The following NCAPH2 variants were observed in gnomAD, a reference collection of about 807,000 sequenced individuals.
NCAPH2 encodes the protein condensin-2 complex subunit H2.
Under a neutral mutation model 88.6 loss-of-function variants are expected in NCAPH2, and 56 were observed. That is an observed-to-expected ratio of 0.63 (90% CI 0.51 to 0.79). The LOEUF (loss-of-function observed/expected upper bound fraction) is 0.79, where lower values mean the gene tolerates loss of function less well. Among genes scored for constraint, NCAPH2 ranks in the 30% least tolerant of loss-of-function variants. The pLI, the probability that NCAPH2 is intolerant of heterozygous loss-of-function variation, is 0.00. For synonymous variants in NCAPH2, 378 were observed against 313.6 expected (o/e 1.21, Z -2.17); for missense variants, 794 against 792.0 (o/e 1.00, Z -0.03).
In NCAPH2 at chr22:50,523,902, C is replaced by G; in HGVS notation, c.*527C>G. Reference sequence around the variant, plus strand: ...GGGCCATGGCTTCAACGTCGTCCCGCTCGGGGTCCACAGTGATGAAGACAG... The same window carrying G: ...GGGCCATGGCTTCAACGTCGTCCCGGTCGGGGTCCACAGTGATGAAGACAG... On this transcript the variant is annotated 3_prime_UTR_variant, in exon 20 of 20. Transcript: ENST00000420993. 6.2e-7 allele frequency: 1 copy of G among 1,613,804 alleles called. No individual in the cohort carries two copies. Among genetic ancestry groups the G allele is most frequent in the Non-Finnish European group, 8.5e-7 (1 of 1,179,978 alleles).
intron 11 of NCAPH2, 30 bp downstream of exon 11, chr22:50,521,639 G>A: frequency 6.2e-7 from 1 of 1,611,302 alleles, no homozygotes; most frequent in Non-Finnish European, 8.5e-7. Context: ...CTCCACTCAG[G>A]TACCCCTGGC....
rs2069013707 is a variant in NCAPH2 at position 50,519,216 on chromosome 22, C to A, written c.757C>A (p.Leu253Met). ...CCCCTCTCCAGAAGGCCCGATGCCC[C>A]TGGGTGGGGGCGAGGACGAGGATGC... ...PGPSPEGPMP[L>M]GGGEDEDAEE... Residue 253 changes from leucine to methionine, a missense_variant, in exon 9 of 20, where the codon CTG (leucine) becomes ATG (methionine). By Grantham distance (15) the Leu-to-Met change is conservative. This residue lies in a region of NCAPH2 where 735 missense variants were observed against 696.3 expected (regional missense o/e 1.06). Coordinates refer to ENST00000420993, the MANE Select transcript of NCAPH2 (RefSeq NM_152299.4). 3 of 1,610,900 alleles carry A rather than the reference C, an allele frequency of 1.9e-6. No individual in the cohort carries two copies. Among genetic ancestry groups the A allele is most frequent in the Non-Finnish European group, 2.5e-6 (3 of 1,179,174 alleles).
chr22:50,522,147 GACGAGGGAGCCCTC>G lies in NCAPH2; in HGVS notation c.1163-31_1163-18del. On this transcript the variant is annotated intron_variant, in intron 13 of 19. Coordinates refer to ENST00000420993, the MANE Select transcript of NCAPH2 (RefSeq NM_152299.4). The stretch of plus-strand genomic sequence containing the variant: ...GTGGACTGGCACGGGGCCTGGGAAG[GACGAGGGAGCCCTC>G]ACAAGGCCTTTGTCTGCAGACATGG... The G allele has an allele frequency of 1.2e-6, 2 of 1,611,814 alleles. No individual in the cohort carries two copies. The highest frequency in any genetic ancestry group is 1.7e-6 in the Non-Finnish European group (2 of 1,178,628).
In NCAPH2 at chr22:50,519,193, C is replaced by A; in HGVS notation, c.734C>A (p.Pro245His). 1 of 1,608,140 alleles carries A rather than the reference C, an allele frequency of 6.2e-7. No homozygotes were observed. Among genetic ancestry groups the A allele is most frequent in the Non-Finnish European group, 8.5e-7 (1 of 1,178,094 alleles). Residue 245 changes from proline (P) to histidine (H), a missense_variant, in exon 9 of 20, where the codon CCC (proline) becomes CAC (histidine). Physicochemically the swap from Pro to His is moderately conservative, Grantham distance 77. Transcript: ENST00000420993. ...CACTCTCTTGCTCCCTGCCTAGGCC[C>A]CTCTCCAGAAGGCCCGATGCCCCTG... ...PALGFSQEPG[P>H]SPEGPMPLGG...
At chr22:50,510,191 G>A (rs1346094819) in intron 1 of NCAPH2, among the ~76,000 whole-genome samples, 2 of 152,132 alleles carry the variant, frequency 1.3e-5, no homozygotes, top group African/African-American at 4.8e-5. Context: ...AAAGTGCTGG[G>A]ATTACAGGCG....
At chr22:50,517,077 C>T (rs999216441) in intron 2 of NCAPH2, among the ~76,000 whole-genome samples, 10 of 152,168 alleles carry the variant, frequency 6.6e-5, no homozygotes, top group Admixed American at 1.3e-4. Flanking sequence ...TGCAGGCCGT[C>T]GGCAGAGTGG....
chr22:50,511,988 A>G (rs976470507), intron 1 of NCAPH2, among the ~76,000 whole-genome samples: 1 of 152,072 alleles, frequency 6.6e-6, no homozygotes, highest in African/African-American at 2.4e-5. Flanking sequence ...GGGTTTCACC[A>G]TGTTGGCCAG....
In NCAPH2 at chr22:50,522,817, C is replaced by G. The variant is rs2069152104; in HGVS notation, c.1426-4C>G. On this transcript the variant is annotated splice_region_variant and splice_polypyrimidine_tract_variant and intron_variant, in intron 17 of 19. Transcript: ENST00000420993. ...GGCAGTAGCTCCTGCTGATCCTCCCCTAGGAGCTCTTCATCGCCACCTCCC... is the reference window on the plus strand; with the variant it reads ...GGCAGTAGCTCCTGCTGATCCTCCCGTAGGAGCTCTTCATCGCCACCTCCC... 2 of 1,612,830 alleles carry G rather than the reference C, an allele frequency of 1.2e-6. No homozygotes were observed. The highest frequency in any genetic ancestry group is 2.2e-5 in the South Asian group (2 of 91,078).
chr22:50,522,009 C>A lies in NCAPH2; in HGVS notation c.1132C>A (p.Arg378=). ...AAYADHADSR[R]LRRKGPSFAD... is the part of the protein sequence containing the mutation. ...AGATGCAGACCATGCCGACAGCAGGCGGCTTCGGCGAAAGGGTCCGTCCTT... is the reference window on the plus strand; with the variant it reads ...AGATGCAGACCATGCCGACAGCAGGAGGCTTCGGCGAAAGGGTCCGTCCTT... Residue 378 remains arginine (R), a synonymous_variant, in exon 13 of 20, where the codon CGG becomes AGG. Coordinates refer to ENST00000420993, the MANE Select transcript of NCAPH2 (RefSeq NM_152299.4). 5 of 1,613,982 alleles carry A rather than the reference C, an allele frequency of 3.1e-6. No homozygotes were observed. Among genetic ancestry groups the A allele is most frequent in the Non-Finnish European group, 4.2e-6 (5 of 1,179,958 alleles).
In NCAPH2 at chr22:50,522,942, A is replaced by C; in HGVS notation, c.1527+20A>C. 1 of 1,612,432 alleles carries C rather than the reference A, an allele frequency of 6.2e-7. No individual in the cohort carries two copies. The highest frequency in any genetic ancestry group is 1.6e-4 in the Middle Eastern group (1 of 6,062). On this transcript the variant is annotated intron_variant, in intron 18 of 19. Coordinates refer to ENST00000420993, the MANE Select transcript of NCAPH2 (RefSeq NM_152299.4). ...GAGCAGGTGAGGCGGGGCCGCTGGG[A>C]ACCAGAGCTGTGTGCCACGGGTCTG... is the stretch of plus-strand genomic sequence containing the variant.
chr22:50,517,250 C>G (rs956510086), intron 2 of NCAPH2, among the ~76,000 whole-genome samples, 177 bp from the exon 3 acceptor site: 1 of 152,234 alleles, frequency 6.6e-6, no homozygotes, highest in African/African-American at 2.4e-5. Flanking sequence ...TAAAGTAATT[C>G]TCATGAGATT....
chr22:50,517,258 A>G (rs1234393235), intron 2 of NCAPH2, among the ~76,000 whole-genome samples, 169 bp from the exon 3 acceptor site: 14 of 152,280 alleles, frequency 9.2e-5, no homozygotes, highest in Admixed American at 7.8e-4. Flanking sequence ...TTCTCATGAG[A>G]TTCCTGGTTT....
chr22:50,517,852 C>T, intron 5 of NCAPH2, 43 bp downstream of exon 5: 5 of 1,609,052 alleles, frequency 3.1e-6, no homozygotes, highest in Non-Finnish European at 4.2e-6. Context: ...GTGAGGTCAG[C>T]ACTTTCCCTG....
Position 50,519,659 on chromosome 22 carries a change from C to T in NCAPH2, c.861+339C>T, listed in dbSNP as rs1603441283. On this transcript the variant is annotated intron_variant, in intron 9 of 19. Coordinates refer to ENST00000420993, the MANE Select transcript of NCAPH2 (RefSeq NM_152299.4). Reference sequence around the variant, plus strand: ...GCTGGTAGGAGGGAGTGTCTGGAGGCCATTGCTGCCTCCCTCAACCCCCGG... The same window carrying T: ...GCTGGTAGGAGGGAGTGTCTGGAGGTCATTGCTGCCTCCCTCAACCCCCGG... 8.7e-7 allele frequency: 1 copy of T among 1,145,900 alleles called. No individual in the cohort carries two copies. Among genetic ancestry groups the T allele is most frequent in the Non-Finnish European group, 1.1e-6 (1 of 931,974 alleles). The allele number at this position is 1,145,900 out of a possible 1,614,324, so 71.0% of individuals were successfully genotyped here.
In NCAPH2 at chr22:50,523,566, G is replaced by C. The variant is rs765646318; in HGVS notation, c.*191G>C. ...CTGGTACAGATCACACACACACACA[G>C]ATTAAACGCAGCCCGTTTAATGATG... On this transcript the variant is annotated 3_prime_UTR_variant, in exon 20 of 20. Transcript: ENST00000420993. 1.8e-5 allele frequency: 28 copies of C among 1,597,734 alleles called. No homozygotes were observed. The highest frequency in any genetic ancestry group is 9.0e-5 in the East Asian group (4 of 44,656).
intron 9 of NCAPH2, chr22:50,519,786 C>G (rs2069034408): frequency 2.1e-6 from 2 of 972,400 alleles, no homozygotes; most frequent in Non-Finnish European, 2.4e-6. Context: ...TTTCTTCACT[C>G]TAGTTGGTAG....
rs1401603667 is a variant in NCAPH2, at chr22:50,523,436, G to A, written c.*61G>A. On this transcript the variant is annotated 3_prime_UTR_variant, in exon 20 of 20. Transcript: ENST00000420993. ...ACTGAGGAGCCGTGTGTCTGCTCCT[G>A]GCTGGCCCGGCCTAATAAAGCAGTG... 2 of 1,522,170 alleles carry A rather than the reference G, an allele frequency of 1.3e-6. No individual in the cohort carries two copies. Among genetic ancestry groups the A allele is most frequent in the Non-Finnish European group, 1.8e-6 (2 of 1,133,874 alleles). 94.3% of individuals were successfully genotyped at this position (1,522,170 alleles called of 1,614,324 possible). A position where few individuals can be genotyped will look rare whatever the true frequency, so the allele number is the denominator to read the frequency against.
rs1372755426 is a variant in NCAPH2, at chr22:50,524,145, C to T, written c.*770C>T. ...CTGCCTGGCGCAGGGCTTCTGTTCG[C>T]TTTTGCTGCTGCAGCCTCTCCTTCT... On this transcript the variant is annotated 3_prime_UTR_variant, in exon 20 of 20. Transcript: ENST00000420993. The T allele has an allele frequency of 2.5e-6, 4 of 1,611,716 alleles. No individual in the cohort carries two copies. The highest frequency in any genetic ancestry group is 2.7e-5 in the African/African-American group (2 of 74,948).
intron 1 of NCAPH2, among the ~76,000 whole-genome samples, chr22:50,512,051 G>A (rs987491980): frequency 5.3e-5 from 8 of 152,332 alleles, no homozygotes; most frequent in Admixed American, 4.6e-4. Flanking sequence ...CTTTGAAAGT[G>A]CTGGGATTGC....
Sources: allele counts gnomAD v4.1 joint callset (sites outside exome capture counted in the v4.1 genomes callset), GRCh38; gene constraint gnomAD v4.1.1; regional missense constraint gnomAD v4.1.1; transcripts MANE v1.5; gene names NCBI Gene and HGNC (gene_info 2026-07-23, HGNC 2026-07-21).